ARID3C: variants seen among roughly 807,000 people sequenced by gnomAD.
The protein encoded by ARID3C is AT-rich interaction domain 3C.
Under a neutral mutation model 37.9 loss-of-function variants are expected in ARID3C, and 42 were observed. That is an observed-to-expected ratio of 1.11 (90% CI 0.87 to 1.43). The LOEUF (loss-of-function observed/expected upper bound fraction) is 1.43. ARID3C is among the 40% of genes most tolerant of loss of function. ARID3C has a pLI of 0.00. For synonymous variants in ARID3C, 213 were observed against 228.0 expected, an observed-to-expected ratio of 0.93 and a Z score of 0.59; for missense variants, 581 against 548.8, an observed-to-expected ratio of 1.06 and a Z score of -0.59.
At chr9:34,625,777 A>G (rs1301469078) in exon 2 of ARID3C, 1 of 1,613,834 alleles carries the variant, frequency 6.2e-7, no homozygotes, top group African/African-American at 1.3e-5. Context: ...GTCATCCAGA[A>G]ATTCCTTCCT....
chr9:34,623,980 C>G lies in ARID3C; in HGVS notation c.459G>C (p.Leu153=), dbSNP rs567205717. ...CCACCAGGCCGCCCTTGGCGGTCAC[C>G]AGGCGAAACAGAGCGTACAGGTCGA... The change falls in exon 3 of 7, where the codon CTG becomes CTC. Residue 153 remains leucine (L), a synonymous_variant. Coordinates refer to ENST00000378909, the Ensembl canonical transcript of ARID3C. 5.0e-6 allele frequency: 8 copies of G among 1,604,170 alleles called. No individual in the cohort carries two copies. In the African/African-American group the frequency reaches 9.3e-5, roughly 19 times the overall value.
At chr9:34,630,502 C>G (rs1200327596), upstream of ARID3C, among the ~76,000 whole-genome samples, 1 of 152,184 alleles carries the variant, frequency 6.6e-6, no homozygotes, top group Non-Finnish European at 1.5e-5. Context: ...GCACCAGAGA[C>G]TGTCTTCTGA....
intron 2 of ARID3C, 94 bp from the exon 4 acceptor site, chr9:34,624,141 G>T: frequency 1.4e-6 from 2 of 1,419,556 alleles, no homozygotes; most frequent in East Asian, 2.5e-5. Flanking sequence ...CCCGGGGAGG[G>T]CGGGAAAGAG....
chr9:34,629,691 A>G (rs1820705615), upstream of ARID3C, among the ~76,000 whole-genome samples: 1 of 152,250 alleles, frequency 6.6e-6, no homozygotes, highest in Non-Finnish European at 1.5e-5. Flanking sequence ...ACACAGCCAC[A>G]CACAGTTTTT....
upstream of ARID3C, among the ~76,000 whole-genome samples, chr9:34,630,264 C>T (rs75540061): frequency 0.015 from 2,298 of 152,266 alleles, 66 homozygotes; most frequent in East Asian, 0.084. Context: ...ATTCCCAAGA[C>T]GCTGAAATGC....
rs1378644835 is a variant in ARID3C at position 34,628,025 on chromosome 9, A to G, written c.-11T>C. ...CTGCAGGGCCTCCATGACAGCTTCC[A>G]GGCGCAGTCCCCCAGCTGAGGGGGT... is the stretch of plus-strand genomic sequence containing the variant. On this transcript the variant is annotated 5_prime_UTR_variant, in exon 1 of 7. Coordinates refer to ENST00000378909, the Ensembl canonical transcript of ARID3C. The surrounding 1 kb of genome is among the most constrained non-coding windows in gnomAD (Gnocchi z 5.2). 6.8e-7 allele frequency: 1 copy of G among 1,469,350 alleles called. No homozygotes were observed. The allele number at this position is 1,469,350 out of a possible 1,614,324, so 91.0% of individuals were successfully genotyped here.
At chr9:34,624,081 G>A in intron 2 of ARID3C, 34 bp from the exon 4 acceptor site, 2 of 1,543,902 alleles carry the variant, frequency 1.3e-6, no homozygotes, top group Non-Finnish European at 8.7e-7. Context: ...AGGACACTGA[G>A]ACGAAGACCC....
chr9:34,626,410 G>T (rs1459965751), intron 1 of ARID3C, among the ~76,000 whole-genome samples: 3 of 152,080 alleles, frequency 2.0e-5, no homozygotes, highest in African/African-American at 7.3e-5. Context: ...GCCTACAGAC[G>T]CTGCTATAGA....
upstream of ARID3C, among the ~76,000 whole-genome samples, chr9:34,632,930 AT>A (rs775351855): frequency 2.0e-5 from 3 of 152,170 alleles, no homozygotes; most frequent in Non-Finnish European, 4.4e-5. Flanking sequence ...TGAGACAAAA[AT>A]TTAGAAGTCA....
At chr9:34,631,518 A>AT (rs201784905), upstream of ARID3C, among the ~76,000 whole-genome samples, 513 of 151,846 alleles carry the variant, frequency 3.4e-3, 7 homozygotes, top group Admixed American at 0.023. Context: ...TTTATTATCT[A>AT]TTTTTTTTGC....
chr9:34,622,940 G>A (rs1052001922), intron 4 of ARID3C, among the ~76,000 whole-genome samples: 2 of 152,024 alleles, frequency 1.3e-5, no homozygotes, highest in African/African-American at 4.8e-5. Context: ...GTGGTCAGGA[G>A]ATCGAGACCA....
chr9:34,628,085 G>A lies in ARID3C; in HGVS notation c.-71C>T, dbSNP rs192350625. 4.8e-5 allele frequency: 69 copies of A among 1,437,050 alleles called. 1 individual carries two copies. The South Asian group carries it at 7.3e-4, about 15-fold the overall frequency. The allele number at this position is 1,437,050 out of a possible 1,614,324, so 89.0% of individuals were successfully genotyped here. A position where few individuals can be genotyped will look rare whatever the true frequency, so the allele number is the denominator to read the frequency against. The stretch of plus-strand genomic sequence containing the variant: ...CAGGCGGGACCCCGAGGAAAGGGCC[G>A]CCTGTGGGGGAGGGAATTATGGGTG... On this transcript the variant is annotated 5_prime_UTR_variant, in exon 1 of 7. Coordinates refer to ENST00000378909, the Ensembl canonical transcript of ARID3C. This position sits in a 1 kb window ranked among gnomAD's most constrained non-coding sequence, Gnocchi z 5.2.
exon 1 of ARID3C, chr9:34,627,832 C>T: frequency 1.2e-6 from 2 of 1,610,894 alleles, no homozygotes; most frequent in Non-Finnish European, 1.7e-6. Context: ...CCTCCCGCTT[C>T]TCCTCATCTT....
At position 34,623,438 on chromosome 9, in the gene ARID3C, G is replaced by A; in HGVS notation, c.852C>T (p.Ser284=). 10 of 1,521,622 alleles carry A rather than the reference G, an allele frequency of 6.6e-6. No individual in the cohort carries two copies. In the South Asian group the frequency reaches 1.3e-4, roughly 20 times the overall value. 94.3% of individuals were successfully genotyped at this position (1,521,622 alleles called of 1,614,324 possible). ...CTCCCCTCGCACCTTTCTTAATAGG[G>A]CTTGGACTCAGCTGAGCGCATGCAT... is the stretch of plus-strand genomic sequence containing the variant. The change falls in exon 4 of 7, where the codon AGC becomes AGT. Residue 284 remains serine, a synonymous_variant. Coordinates refer to ENST00000378909, the Ensembl canonical transcript of ARID3C.
At chr9:34,623,574 C>T in exon 4 of ARID3C, 1 of 1,607,658 alleles carries the variant, frequency 6.2e-7, no homozygotes, top group East Asian at 2.2e-5. Context: ...AGGGGGCGGC[C>T]CTGCCAAGCC....
upstream of ARID3C, among the ~76,000 whole-genome samples, chr9:34,632,341 G>T (rs1266047627): frequency 6.6e-6 from 1 of 152,146 alleles, no homozygotes; most frequent in Admixed American, 6.5e-5. Flanking sequence ...AAGCAAGGAG[G>T]CCACTGGGTT....
chr9:34,630,475 A>T (rs1820713157), upstream of ARID3C, among the ~76,000 whole-genome samples: 1 of 152,156 alleles, frequency 6.6e-6, no homozygotes, highest in Non-Finnish European at 1.5e-5. Flanking sequence ...GACACTTGGC[A>T]TAGGTATGAA....
At chr9:34,621,878 C>T in intron 6 of ARID3C, 142 bp downstream of exon 7, 2 of 850,230 alleles carry the variant, frequency 2.4e-6, no homozygotes, top group East Asian at 5.0e-5. Context: ...CCATGCCAGT[C>T]TAGCAATCCC....
rs968054186 is a variant in ARID3C at position 34,624,161 on chromosome 9, G to A, written c.392-114C>T. ...GGAGGGCGGGAAAGAGGGAGACTTG[G>A]GCGGAGCCCACAGAACCCCAGGGTC... On this transcript the variant is annotated intron_variant, in intron 2 of 6. Coordinates refer to ENST00000378909, the Ensembl canonical transcript of ARID3C. 9 of 1,327,892 alleles carry A rather than the reference G, an allele frequency of 6.8e-6. No homozygotes were observed. In the South Asian group the frequency reaches 1.3e-4, roughly 20 times the overall value. 82.3% of individuals were successfully genotyped at this position (1,327,892 alleles called of 1,614,324 possible).
Sources: gnomAD v4.1 joint callset for allele counts (sites outside exome capture counted in the v4.1 genomes callset) on GRCh38, gnomAD v4.1.1 for gene constraint, Gnocchi (gnomAD v3.1) non-coding constraint, MANE v1.5 for transcripts, NCBI Gene and HGNC (gene_info 2026-07-23, HGNC 2026-07-21) for gene names.